Variants in RHD observed in about 807,000 individuals in gnomAD.
The protein encoded by RHD is blood group Rh(D) polypeptide.
Under a neutral mutation model 45.5 loss-of-function variants are expected in RHD, and 16 were observed. The ratio of observed to expected loss-of-function variants is 0.35; its 90% confidence interval spans 0.24 to 0.53. RHD has a LOEUF of 0.53. RHD is among the 20% of genes least tolerant of loss of function. The probability of loss-of-function intolerance (pLI) is 0.92; values close to 1 mark genes in which losing one functional copy is unlikely to be tolerated. For missense variants in RHD, 306 were observed against 532.0 expected, an observed-to-expected ratio of 0.58 and a Z score of 4.18; for synonymous variants, 131 against 217.5, an observed-to-expected ratio of 0.60 and a Z score of 3.50.
At position 25,290,671 on chromosome 1, in the gene RHD, G is replaced by A. The variant is rs188168550; in HGVS notation, c.366G>A (p.Ser122=). 45 of 1,378,290 alleles carry A rather than the reference G, an allele frequency of 3.3e-5. 14 individuals are homozygous for A. The Middle Eastern group carries it at 5.5e-4, about 17-fold the overall frequency. The allele number at this position is 1,378,290 out of a possible 1,614,324, so 85.4% of individuals were successfully genotyped here. Residue 122 remains serine, a synonymous_variant, in exon 3 of 10, where the codon TCG becomes TCA. Coordinates refer to ENST00000328664, the MANE Select transcript of RHD (RefSeq NM_016124.6). ...SIRLATMSAL[S]VLISVDAVLG... is the part of the protein sequence containing the mutation. ...GGCTGGCCACCATGAGTGCTTTGTC[G>A]GTGCTGATCTCAGTGGATGCTGTCT...
At position 25,301,242 on chromosome 1, in the gene RHD, T is replaced by G. The variant is rs1643366219; in HGVS notation, c.634+149T>G. 4 of 904,560 alleles carry G rather than the reference T, an allele frequency of 4.4e-6. 2 individuals carry two copies. The highest frequency in any genetic ancestry group is 7.1e-6 in the Non-Finnish European group (4 of 562,874). 56.0% of individuals were successfully genotyped at this position (904,560 alleles called of 1,614,324 possible). On this transcript the variant is annotated intron_variant, in intron 4 of 9. Transcript: ENST00000328664. ...ATGATTCATTTCTTTGAGTAGTGTT[T>G]GCTAAATTCATACCTTTGAATTAAG... is the stretch of plus-strand genomic sequence containing the variant.
chr1:25,329,502 C>G lies in RHD; in HGVS notation c.*578C>G, dbSNP rs1644946133. The stretch of plus-strand genomic sequence containing the variant: ...AAGTGATCTGCCCGCCTCGGCCTCC[C>G]AAAGTGCTGGAACCACAGGCCTGAG... On this transcript the variant is annotated 3_prime_UTR_variant, in exon 10 of 10. Transcript: ENST00000328664. The G allele has an allele frequency of 9.6e-6, 2 of 208,396 alleles. No homozygotes were observed. Among genetic ancestry groups the G allele is most frequent in the Non-Finnish European group, 2.1e-5 (2 of 96,286 alleles). The allele number at this position is 208,396 out of a possible 1,614,324, so 12.9% of individuals were successfully genotyped here. A position where few individuals can be genotyped will look rare whatever the true frequency, so the allele number is the denominator to read the frequency against.
At chr1:25,291,828 G>T (rs1464659473) in intron 3 of RHD, among the ~76,000 whole-genome samples, 1 of 132,604 alleles carries the variant, frequency 7.5e-6, no homozygotes, top group Admixed American at 7.3e-5. Context: ...CAGATCCTCT[G>T]CTGTAACCCT....
intron 7 of RHD, among the ~76,000 whole-genome samples, chr1:25,308,036 G>A (rs1643944136): frequency 1.8e-5 from 2 of 111,856 alleles, no homozygotes; most frequent in African/African-American, 6.3e-5. Flanking sequence ...GGGGAAGTTA[G>A]AAAAAAAAAA....
chr1:25,307,262 G>T lies in RHD; in HGVS notation c.1073+533G>T, dbSNP rs577017442. ...CAGAGAGGGGTGGGCCTTGGCTGAG[G>T]TCTCACTGCGAGGTGGGAATGTGGG... is the stretch of plus-strand genomic sequence containing the variant. On this transcript the variant is annotated intron_variant, in intron 7 of 9. Coordinates refer to ENST00000328664, the MANE Select transcript of RHD (RefSeq NM_016124.6). Among the ~76,000 whole-genome samples, 51 of 132,150 alleles carry T rather than the reference G, an allele frequency of 3.9e-4. 8 individuals are homozygous for T. Among genetic ancestry groups the T allele is most frequent in the African/African-American group, 1.3e-3 (51 of 38,444 alleles). The allele number at this position is 132,150 out of a possible 152,430, so 86.7% of individuals were successfully genotyped here. A position where few individuals can be genotyped will look rare whatever the true frequency, so the allele number is the denominator to read the frequency against.
chr1:25,287,248 T>C (rs113615455), intron 2 of RHD, among the ~76,000 whole-genome samples: 2,788 of 135,454 alleles, frequency 0.021, 445 homozygotes, highest in African/African-American at 0.065. Flanking sequence ...GGTTTGGTGT[T>C]GCTGCCTTAG....
In RHD at chr1:25,296,086, C is replaced by T. The variant is rs1457392282; in HGVS notation, c.487-4860C>T. ...CCATGTTGGCCAGGCTGGTCTCAAA[C>T]TCCTGACCTCAGGTGATCCACCCGC... On this transcript the variant is annotated intron_variant, in intron 3 of 9. Coordinates refer to ENST00000328664, the MANE Select transcript of RHD (RefSeq NM_016124.6). Among the ~76,000 whole-genome samples the T allele has an allele frequency of 1.6e-4, 18 of 113,112 alleles. 4 individuals are homozygous for T. Among genetic ancestry groups the T allele is most frequent in the Admixed American group, 1.5e-3 (17 of 11,694 alleles). 74.2% of individuals were successfully genotyped at this position (113,112 alleles called of 152,430 possible).
At position 25,283,206 on chromosome 1, in the gene RHD, G is replaced by A. The variant is rs927672607; in HGVS notation, c.149-1367G>A. ...AGGGCAGATGGTGTGGTAGTCTAAG[G>A]CACAGGCTCCAGCAGATTATCTAGG... On this transcript the variant is annotated intron_variant, in intron 1 of 9. Coordinates refer to ENST00000328664, the MANE Select transcript of RHD (RefSeq NM_016124.6). Among the ~76,000 whole-genome samples, 8 of 132,058 alleles carry A rather than the reference G, an allele frequency of 6.1e-5. 2 individuals are homozygous for A. Among genetic ancestry groups the A allele is most frequent in the Admixed American group, 3.0e-4 (4 of 13,554 alleles). 86.6% of individuals were successfully genotyped at this position (132,058 alleles called of 152,430 possible).
At position 25,291,337 on chromosome 1, in the gene RHD, C is replaced by G. The variant is rs1420732633; in HGVS notation, c.486+546C>G. On this transcript the variant is annotated intron_variant, in intron 3 of 9. Transcript: ENST00000328664. ...TACAAAATTTAGCTGGGCATGGTGG[C>G]AGGCGCCTGTAATCCCAGCTACTCA... Among the ~76,000 whole-genome samples the G allele has an allele frequency of 3.1e-5, 4 of 130,822 alleles. 1 individual carries two copies. The highest frequency in any genetic ancestry group is 1.0e-4 in the African/African-American group (4 of 38,380). The allele number at this position is 130,822 out of a possible 152,430, so 85.8% of individuals were successfully genotyped here.
chr1:25,283,879 C>T lies in RHD; in HGVS notation c.149-694C>T, dbSNP rs28534420. Among the ~76,000 whole-genome samples the T allele has an allele frequency of 1.4e-3, 184 of 134,084 alleles. 42 individuals are homozygous for T. Among genetic ancestry groups the T allele is most frequent in the Non-Finnish European group, 3.7e-4 (21 of 57,032 alleles). The allele number at this position is 134,084 out of a possible 152,430, so 88.0% of individuals were successfully genotyped here. A position where few individuals can be genotyped will look rare whatever the true frequency, so the allele number is the denominator to read the frequency against. On this transcript the variant is annotated intron_variant, in intron 1 of 9. Coordinates refer to ENST00000328664, the MANE Select transcript of RHD (RefSeq NM_016124.6). ...GAATTAAACCAAAGTGCTCACCCTC[C>T]GCTTTGCTGGGCCCCTCCCTGCCCT...
In RHD at chr1:25,291,763, G is replaced by C. The variant is rs558289695; in HGVS notation, c.486+972G>C. On this transcript the variant is annotated intron_variant, in intron 3 of 9. Transcript: ENST00000328664. ...TGTCCTCTCATTGGGAGAGCCTGTC[G>C]AAAGTCTAAATTTGAAGGCAGCTGT... Among the ~76,000 whole-genome samples, 2 of 132,566 alleles carry C rather than the reference G, an allele frequency of 1.5e-5. 1 individual carries two copies. The highest frequency in any genetic ancestry group is 3.6e-5 in the Non-Finnish European group (2 of 55,920). 87.0% of individuals were successfully genotyped at this position (132,566 alleles called of 152,430 possible).
intron 7 of RHD, among the ~76,000 whole-genome samples, chr1:25,316,616 C>CAA (rs1644452904): frequency 2.3e-5 from 1 of 43,148 alleles, no homozygotes; most frequent in African/African-American, 7.7e-5. Context: ...CAAACAAAAA[C>CAA]AGAAAAAAAA....
At position 25,306,683 on chromosome 1, in the gene RHD, T is replaced by C. The variant is rs1440638043; in HGVS notation, c.1027T>C (p.Tyr343His). 7.3e-7 allele frequency: 1 copy of C among 1,378,664 alleles called. No individual in the cohort carries two copies. Among genetic ancestry groups the C allele is most frequent in the South Asian group, 1.2e-5 (1 of 84,804 alleles). 85.4% of individuals were successfully genotyped at this position (1,378,664 alleles called of 1,614,324 possible). A position where few individuals can be genotyped will look rare whatever the true frequency, so the allele number is the denominator to read the frequency against. ...GCTGGGTCTGCTTGGAGAGATCATC[T>C]ACATTGTGCTGCTGGTGCTTGATAC... ...SLLGLLGEII[Y>H]IVLLVLDTVG... Residue 343 changes from tyrosine to histidine, a missense_variant, in exon 7 of 10, where the codon TAC becomes CAC. Tyr to His is a moderately conservative substitution (Grantham distance 83). Transcript: ENST00000328664.
intron 2 of RHD, among the ~76,000 whole-genome samples, chr1:25,286,033 G>T (rs1400878126): frequency 7.4e-6 from 1 of 135,250 alleles, no homozygotes; most frequent in East Asian, 1.9e-4. Flanking sequence ...CTCAGAGAGG[G>T]CAAGGCACTT....
At chr1:25,299,354 C>T (rs140933600) in intron 3 of RHD, among the ~76,000 whole-genome samples, 1,852 of 130,672 alleles carry the variant, frequency 0.014, 321 homozygotes, top group African/African-American at 0.046. Context: ...TGCACTCTAG[C>T]CTGGCGACAG....
chr1:25,306,947 C>A, intron 7 of RHD: 1 of 528,144 alleles, frequency 1.9e-6, no homozygotes, highest in Non-Finnish European at 3.7e-6. Flanking sequence ...CAAATAGGGC[C>A]ACCTAGGTAT....
Position 25,279,144 on chromosome 1 carries a change from G to A in RHD, c.149-5429G>A, listed in dbSNP as rs1311815018. Among the ~76,000 whole-genome samples, 12 of 125,790 alleles carry A rather than the reference G, an allele frequency of 9.5e-5. 4 individuals carry two copies. The Middle Eastern group carries it at 0.013, about 133-fold the overall frequency. The allele number at this position is 125,790 out of a possible 152,430, so 82.5% of individuals were successfully genotyped here. ...AAGGCCAAAGTGCTGTTATCCAAAC[G>A]AACTCTTTGCAAGTGGTCTCTTTGC... is the stretch of plus-strand genomic sequence containing the variant. On this transcript the variant is annotated intron_variant, in intron 1 of 9. Transcript: ENST00000328664.
rs1256308689 is a variant in RHD, at chr1:25,310,422, C to T, written c.1073+3693C>T. Among the ~76,000 whole-genome samples the T allele has an allele frequency of 1.5e-5, 2 of 132,608 alleles. 1 individual carries two copies. Among genetic ancestry groups the T allele is most frequent in the Non-Finnish European group, 3.6e-5 (2 of 55,780 alleles). 87.0% of individuals were successfully genotyped at this position (132,608 alleles called of 152,430 possible). A position where few individuals can be genotyped will look rare whatever the true frequency, so the allele number is the denominator to read the frequency against. On this transcript the variant is annotated intron_variant, in intron 7 of 9. Coordinates refer to ENST00000328664, the MANE Select transcript of RHD (RefSeq NM_016124.6). ...TCATGATGCAGCAAGAAGGCCCTCA[C>T]CAGATGGTGGCACCATGCTTTTGGA...
In RHD at chr1:25,280,608, T is replaced by C. The variant is rs1040932814; in HGVS notation, c.149-3965T>C. Reference sequence around the variant, plus strand: ...GACATAAGCCACTGTGCCTGGCCTTTTTTTTTTTTTTTTTTTTGTAAACAG... The same window carrying C: ...GACATAAGCCACTGTGCCTGGCCTTCTTTTTTTTTTTTTTTTTGTAAACAG... On this transcript the variant is annotated intron_variant, in intron 1 of 9. Coordinates refer to ENST00000328664, the MANE Select transcript of RHD (RefSeq NM_016124.6). 2.0e-4 allele frequency among the ~76,000 whole-genome samples: 6 copies of C among 29,560 alleles called. 2 individuals are homozygous for C. The highest frequency in any genetic ancestry group is 1.0e-3 in the Non-Finnish European group (5 of 4,886). 19.4% of individuals were successfully genotyped at this position (29,560 alleles called of 152,430 possible).
Sources: allele counts gnomAD v4.1 joint callset (sites outside exome capture counted in the v4.1 genomes callset), GRCh38; gene constraint gnomAD v4.1.1; transcripts MANE v1.5; gene names NCBI Gene and HGNC (gene_info 2026-07-23, HGNC 2026-07-21).